ERBIN: variants seen among roughly 807,000 people sequenced by gnomAD.
ERBIN encodes erbb2 interacting protein, also known as densin-180-like protein.
ERBIN carries 60 observed loss-of-function variants against 158.4 expected under a neutral mutation model. The ratio of observed to expected loss-of-function variants is 0.38; its 90% CI spans 0.31 to 0.47. The LOEUF (loss-of-function observed/expected upper bound fraction) is 0.47. Among genes scored for constraint, ERBIN ranks in the 20% least tolerant of loss-of-function variants. The pLI is 0.99. For missense variants in ERBIN, 1,610 were observed against 1,648.0 expected (o/e 0.98, Z 0.40); for synonymous variants, 594 against 557.2 (o/e 1.07, Z -0.93).
At chr5:65,954,347 T>TA (rs1365737496) in intron 1 of ERBIN, among the ~76,000 whole-genome samples, 1 of 152,196 alleles carries the variant, frequency 6.6e-6, no homozygotes, top group Non-Finnish European at 1.5e-5. Context: ...TTAGTCTTTT[T>TA]AGTCTATGCA....
At chr5:66,038,710 A>G (rs934829078) in intron 15 of ERBIN, among the ~76,000 whole-genome samples, 2 of 152,100 alleles carry the variant, frequency 1.3e-5, no homozygotes, top group African/African-American at 4.8e-5. Flanking sequence ...ATTAAACCGC[A>G]GTGTTAAAAT....
chr5:66,049,638 AT>A (rs1758817704), intron 19 of ERBIN, among the ~76,000 whole-genome samples: 1 of 152,124 alleles, frequency 6.6e-6, no homozygotes, highest in South Asian at 2.1e-4. Flanking sequence ...GTTAGAGTCC[AT>A]TTGCTACTGT....
At position 66,054,719 on chromosome 5, in the gene ERBIN, T is replaced by C. The variant is rs1759422346; in HGVS notation, c.3401T>C (p.Ile1134Thr). The C allele has an allele frequency of 2.5e-6, 4 of 1,614,006 alleles. No individual in the cohort carries two copies. In the South Asian group the frequency reaches 4.4e-5, roughly 18 times the overall value. ...QRPLSARTYS[I>T]DGPNASRPQS... ...CCCCTTTCTGCACGAACATACAGCATAGATGGTCCAAATGCATCAAGACCT... is the reference window on the plus strand; with the variant it reads ...CCCCTTTCTGCACGAACATACAGCACAGATGGTCCAAATGCATCAAGACCT... Residue 1134 changes from isoleucine (I) to threonine (T), a missense_variant, in exon 21 of 26, where the codon ATA (isoleucine) becomes ACA (threonine). Physicochemically the swap from Ile to Thr is moderately conservative, Grantham distance 89. Around this residue, in one of 2 missense-constraint regions of ERBIN, gnomAD observed 1,014 missense variants for 936.1 expected, o/e 1.08. Coordinates refer to ENST00000284037, the MANE Select transcript of ERBIN (RefSeq NM_001253697.2).
intron 1 of ERBIN, among the ~76,000 whole-genome samples, chr5:65,969,582 T>C (rs1225851201): frequency 6.6e-6 from 1 of 152,228 alleles, no homozygotes; most frequent in Non-Finnish European, 1.5e-5. Flanking sequence ...GCTACTTTTG[T>C]GTTCAGCTAT....
At chr5:66,056,874 ATT>A (rs1405964529) in intron 21 of ERBIN, among the ~76,000 whole-genome samples, 1 of 152,152 alleles carries the variant, frequency 6.6e-6, no homozygotes, top group Non-Finnish European at 1.5e-5. Flanking sequence ...GTTGGGAAGC[ATT>A]TCTAGCAAAT....
chr5:65,930,199 GAA>G (rs929525397), intron 1 of ERBIN, among the ~76,000 whole-genome samples: 3 of 152,156 alleles, frequency 2.0e-5, no homozygotes, highest in African/African-American at 7.2e-5. Flanking sequence ...ACATGCAGTG[GAA>G]AAAGTTTATC....
chr5:66,072,779 A>G (rs1275069025), intron 22 of ERBIN, among the ~76,000 whole-genome samples: 3 of 152,186 alleles, frequency 2.0e-5, no homozygotes, highest in Admixed American at 2.0e-4. Context: ...TTATCTATGT[A>G]TGGCCAGTGC....
intron 1 of ERBIN, among the ~76,000 whole-genome samples, chr5:65,943,765 A>G (rs929748680): frequency 3.3e-5 from 5 of 152,214 alleles, no homozygotes; most frequent in African/African-American, 4.8e-5. Context: ...AAGTACATTC[A>G]TATTATTGTA....
intron 4 of ERBIN, among the ~76,000 whole-genome samples, chr5:66,007,987 CTGTT>C (rs1302673147): frequency 6.6e-6 from 1 of 152,174 alleles, no homozygotes; most frequent in African/African-American, 2.4e-5. Flanking sequence ...TGTTTCAAAA[CTGTT>C]TGCTTAGGGC....
intron 21 of ERBIN, among the ~76,000 whole-genome samples, chr5:66,069,420 A>G (rs1363402431): frequency 6.6e-6 from 1 of 152,230 alleles, no homozygotes; most frequent in African/African-American, 2.4e-5. Context: ...CTGAGAATTG[A>G]CTGAGAGAAA....
At position 65,960,576 on chromosome 5, in the gene ERBIN, T is replaced by C. The variant is rs550061567; in HGVS notation, c.-57-28059T>C. On this transcript the variant is annotated intron_variant, in intron 1 of 25. Transcript: ENST00000284037. ...TTGGCCTGGGCATAGATGATTCTCA[T>C]GTGCCGCCAGAGTTAAGAATCACTG... Among the ~76,000 whole-genome samples, 3 of 152,332 alleles carry C rather than the reference T, an allele frequency of 2.0e-5. No individual in the cohort carries two copies. The East Asian group carries it at 5.8e-4, about 29-fold the overall frequency.
intron 1 of ERBIN, among the ~76,000 whole-genome samples, chr5:65,934,100 G>A (rs541393304): frequency 1.3e-5 from 2 of 152,262 alleles, no homozygotes; most frequent in South Asian, 4.1e-4. Context: ...GTTTCACCGT[G>A]TTAGCCAGGG....
At chr5:65,953,385 C>G (rs1746740583) in intron 1 of ERBIN, among the ~76,000 whole-genome samples, 1 of 152,156 alleles carries the variant, frequency 6.6e-6, no homozygotes, top group Admixed American at 6.5e-5. Context: ...AAAATGTGCT[C>G]CAGTTAGACA....
intron 1 of ERBIN, among the ~76,000 whole-genome samples, chr5:65,939,389 G>T (rs1381503684): frequency 2.6e-5 from 4 of 152,038 alleles, no homozygotes; most frequent in African/African-American, 9.7e-5. Flanking sequence ...GTGAGCCGAG[G>T]TTGCGCCACT....
rs186108991 is a variant in ERBIN at position 65,997,477 on chromosome 5, C to T, written c.307+2613C>T. Among the ~76,000 whole-genome samples the T allele has an allele frequency of 2.7e-4, 41 of 152,152 alleles. No homozygotes were observed. The East Asian group carries it at 7.7e-3, about 29-fold the overall frequency. ...TGATATTCATTAAGTATGGAAGATA[C>T]GTTCTAAAATGTTAAGTCCTTACCT... On this transcript the variant is annotated intron_variant, in intron 4 of 25. Transcript: ENST00000284037.
intron 1 of ERBIN, among the ~76,000 whole-genome samples, chr5:65,977,941 G>T (rs889037451): frequency 2.0e-5 from 3 of 151,560 alleles, no homozygotes; most frequent in Admixed American, 6.6e-5. Context: ...GATCACTCGC[G>T]GTTAGGGAGA....
chr5:65,996,557 A>C (rs1752464417), intron 4 of ERBIN, among the ~76,000 whole-genome samples: 1 of 152,060 alleles, frequency 6.6e-6, no homozygotes, highest in Non-Finnish European at 1.5e-5. Flanking sequence ...GCATATTGTG[A>C]AGTCGGGTGT....
intron 14 of ERBIN, among the ~76,000 whole-genome samples, chr5:66,028,836 C>G (rs1243010413): frequency 6.6e-6 from 1 of 152,134 alleles, no homozygotes; most frequent in Non-Finnish European, 1.5e-5. Flanking sequence ...CACCATTTTA[C>G]TCTTAGTTTC....
intron 14 of ERBIN, among the ~76,000 whole-genome samples, chr5:66,035,783 T>C (rs1757335911): frequency 6.6e-6 from 1 of 152,226 alleles, no homozygotes. Context: ...TTTTATTATA[T>C]GTGGCTACTA....
Sources: gnomAD v4.1 joint callset for allele counts (sites outside exome capture counted in the v4.1 genomes callset) on GRCh38, gnomAD v4.1.1 for gene constraint, gnomAD v4.1.1 regional missense constraint, MANE v1.5 for transcripts, NCBI Gene and HGNC (gene_info 2026-07-23, HGNC 2026-07-21) for gene names.